Variants in TBC1D19 observed in about 807,000 individuals in gnomAD.
TBC1D19 encodes the protein TBC1 domain family, member 19.
In TBC1D19, 60 loss-of-function variants were observed where a neutral mutation model predicts 89.0. The observed-to-expected ratio is 0.67, with a 90% CI of 0.55 to 0.84. The LOEUF (loss-of-function observed/expected upper bound fraction) is 0.84. Ranked by LOEUF, TBC1D19 falls within the 40% of genes least tolerant of loss-of-function variation. The pLI, the probability that TBC1D19 is intolerant of heterozygous loss-of-function variation, is 0.00. For synonymous variants in TBC1D19, 189 were observed against 199.7 expected (o/e 0.95, Z 0.45); for missense variants, 500 against 610.8 (o/e 0.82, Z 1.91).
At chr4:26,664,042 T>A (rs551152085) in intron 8 of TBC1D19, among the ~76,000 whole-genome samples, 2 of 152,312 alleles carry the variant, frequency 1.3e-5, no homozygotes, top group African/African-American at 4.8e-5. Flanking sequence ...ACCCTTTTGT[T>A]ATGTCAGGCC....
the TBC1D19 span, among the ~76,000 whole-genome samples, chr4:26,763,151 G>C: frequency 1.3e-5 from 2 of 152,232 alleles, no homozygotes; most frequent in South Asian, 4.1e-4. Context: ...TCTCTTGTGT[G>C]GTTTTGATAA....
chr4:26,802,430 A>G, the TBC1D19 span, among the ~76,000 whole-genome samples: 1 of 151,960 alleles, frequency 6.6e-6, no homozygotes, highest in Non-Finnish European at 1.5e-5. Context: ...GTGAAACCCC[A>G]TCTCTACTAA....
At chr4:26,660,789 CA>C (rs928982434) in intron 8 of TBC1D19, among the ~76,000 whole-genome samples, 6 of 152,196 alleles carry the variant, frequency 3.9e-5, no homozygotes, top group Non-Finnish European at 7.3e-5. Context: ...TGCCCCTCTA[CA>C]GAGGTATGAA....
intron 4 of TBC1D19, among the ~76,000 whole-genome samples, chr4:26,636,488 T>TTA (rs1553901480): frequency 9.9e-5 from 13 of 131,010 alleles, no homozygotes; most frequent in Admixed American, 8.6e-4. Flanking sequence ...GTCAGTATCA[T>TTA]AAAAAAAAAA....
chr4:26,628,373 C>T (rs1198576801), intron 4 of TBC1D19, among the ~76,000 whole-genome samples: 1 of 152,102 alleles, frequency 6.6e-6, no homozygotes, highest in African/African-American at 2.4e-5. Flanking sequence ...GATGCAGGCT[C>T]TTTTTTGTTT....
At chr4:26,655,813 C>T (rs1482915098) in intron 7 of TBC1D19, among the ~76,000 whole-genome samples, 1 of 152,232 alleles carries the variant, frequency 6.6e-6, no homozygotes, top group East Asian at 1.9e-4. Flanking sequence ...TGACCCCTTG[C>T]ACTTCCTGCG....
chr4:26,603,388 A>T (rs1032701407), intron 1 of TBC1D19, among the ~76,000 whole-genome samples: 1 of 152,220 alleles, frequency 6.6e-6, no homozygotes, highest in African/African-American at 2.4e-5. Context: ...TGATCAATGC[A>T]TTTTTATGTT....
intron 15 of TBC1D19, among the ~76,000 whole-genome samples, chr4:26,724,741 C>T (rs1353788113): frequency 6.6e-6 from 1 of 152,112 alleles, no homozygotes; most frequent in East Asian, 1.9e-4. Flanking sequence ...TTGCACAGAG[C>T]CTCAAAGGCA....
At chr4:26,837,021 C>T in the TBC1D19 span, among the ~76,000 whole-genome samples, 4 of 152,094 alleles carry the variant, frequency 2.6e-5, no homozygotes, top group African/African-American at 4.8e-5. Context: ...GACAGGATAG[C>T]GGGAGAAGAC....
chr4:26,647,599 A>C (rs1577868114), intron 7 of TBC1D19, among the ~76,000 whole-genome samples: 1 of 152,108 alleles, frequency 6.6e-6, no homozygotes, highest in Admixed American at 6.5e-5. Flanking sequence ...GTGGCTTCCC[A>C]TCTTATTCTA....
intron 7 of TBC1D19, among the ~76,000 whole-genome samples, chr4:26,649,778 T>C (rs955395374): frequency 2.0e-5 from 3 of 152,064 alleles, no homozygotes; most frequent in East Asian, 3.9e-4. Flanking sequence ...TTGTTACATA[T>C]GTATACATGT....
the TBC1D19 span, among the ~76,000 whole-genome samples, chr4:26,847,002 T>C: frequency 6.6e-6 from 1 of 152,204 alleles, no homozygotes; most frequent in African/African-American, 2.4e-5. Flanking sequence ...CTCAGTAACC[T>C]GCCACTTGAT....
chr4:26,616,648 A>G (rs534881401), intron 3 of TBC1D19, among the ~76,000 whole-genome samples: 1 of 152,356 alleles, frequency 6.6e-6, no homozygotes, highest in African/African-American at 2.4e-5. Context: ...TACAGACTAT[A>G]CAGACTGAAA....
At chr4:26,819,055 C>T in the TBC1D19 span, among the ~76,000 whole-genome samples, 1 of 152,156 alleles carries the variant, frequency 6.6e-6, no homozygotes, top group African/African-American at 2.4e-5. Context: ...CCAGGGAGAC[C>T]GACACTCAAC....
chr4:26,792,989 A>G, the TBC1D19 span, among the ~76,000 whole-genome samples: 9 of 152,254 alleles, frequency 5.9e-5, no homozygotes, highest in Non-Finnish European at 8.8e-5. Flanking sequence ...TCCCAAGTCA[A>G]AAGTTCAAAC....
chr4:26,838,682 G>A, the TBC1D19 span, among the ~76,000 whole-genome samples: 5 of 152,188 alleles, frequency 3.3e-5, no homozygotes, highest in Non-Finnish European at 7.3e-5. Flanking sequence ...TTGTCAGACT[G>A]GAGGAAGTCA....
the TBC1D19 span, among the ~76,000 whole-genome samples, chr4:26,827,864 G>A: frequency 6.6e-6 from 1 of 152,136 alleles, no homozygotes; most frequent in African/African-American, 2.4e-5. Context: ...GTGAATACAG[G>A]CATGTGTGCC....
At chr4:26,804,437 G>A in the TBC1D19 span, among the ~76,000 whole-genome samples, 2 of 152,198 alleles carry the variant, frequency 1.3e-5, no homozygotes, top group Non-Finnish European at 2.9e-5. Flanking sequence ...TGAGCCACAC[G>A]TGCGCTGCCC....
Position 26,659,727 on chromosome 4 carries a change from A to T in TBC1D19, c.591+20A>T. 6.9e-7 allele frequency: 1 copy of T among 1,457,992 alleles called. No homozygotes were observed. Among genetic ancestry groups the T allele is most frequent in the Non-Finnish European group, 9.4e-7 (1 of 1,059,744 alleles). The allele number at this position is 1,457,992 out of a possible 1,614,324, so 90.3% of individuals were successfully genotyped here. On this transcript the variant is annotated intron_variant, in intron 8 of 20. Coordinates refer to ENST00000264866, the MANE Select transcript of TBC1D19 (RefSeq NM_018317.4). ...GAATTGGTAAGTATAGAAACTTAAA[A>T]ATAAACATCATTTAGAAGATAACCA...
Sources: gnomAD v4.1 joint callset for allele counts (sites outside exome capture counted in the v4.1 genomes callset) on GRCh38, gnomAD v4.1.1 for gene constraint, MANE v1.5 for transcripts, NCBI Gene and HGNC (gene_info 2026-07-23, HGNC 2026-07-21) for gene names.